The following ITPR3 variants were observed in gnomAD, a reference collection of about 807,000 sequenced individuals.
ITPR3 encodes the protein inositol 1,4,5-trisphosphate-gated calcium channel ITPR3.
A neutral mutation model predicts 293.2 loss-of-function variants in ITPR3; 173 were observed. That is an observed-to-expected ratio of 0.59 (90% CI 0.52 to 0.67). ITPR3 has a LOEUF of 0.67. ITPR3 is among the 30% of genes least tolerant of loss of function. The pLI, the probability that ITPR3 is intolerant of heterozygous loss-of-function variation, is 0.00. For missense variants in ITPR3, 2,796 were observed against 3,592.1 expected (o/e 0.78, Z 5.66); for synonymous variants, 1,295 against 1,444.4 (o/e 0.90, Z 2.35).
intron 1 of ITPR3, among the ~76,000 whole-genome samples, chr6:33,636,702 C>T (rs1406541686): frequency 1.3e-5 from 2 of 151,900 alleles, no homozygotes; most frequent in Non-Finnish European, 2.9e-5. Context: ...TCTGTGGACA[C>T]CCAAGCAGAG....
intron 21 of ITPR3, 107 bp downstream of exon 21, chr6:33,671,413 C>A: frequency 1.3e-6 from 1 of 763,542 alleles, no homozygotes; most frequent in Non-Finnish European, 2.1e-6. Flanking sequence ...TCCCCCCACC[C>A]AACCTGGCTC....
In ITPR3 at chr6:33,638,745, C is replaced by T. The variant is rs560138548; in HGVS notation, c.90-1739C>T. On this transcript the variant is annotated intron_variant, in intron 1 of 57. Coordinates refer to ENST00000605930, the MANE Select transcript of ITPR3 (RefSeq NM_002224.4). This position sits in a 1 kb window ranked among gnomAD's most constrained non-coding sequence, Gnocchi z 4.3. ...ATTACAAAGAAAACACACAGGGGCTCCGTTCTCAAGGAACTCACAGTGTAG... is the reference window on the plus strand; with the variant it reads ...ATTACAAAGAAAACACACAGGGGCTTCGTTCTCAAGGAACTCACAGTGTAG... 3.9e-5 allele frequency among the ~76,000 whole-genome samples: 6 copies of T among 152,360 alleles called. No individual in the cohort carries two copies. In the East Asian group the frequency reaches 9.6e-4, roughly 24 times the overall value.
chr6:33,639,128 C>T (rs1191517478), intron 1 of ITPR3, among the ~76,000 whole-genome samples: 1 of 152,114 alleles, frequency 6.6e-6, no homozygotes, highest in African/African-American at 2.4e-5. Flanking sequence ...CACCTGTAAT[C>T]CCAGCACTTT....
At position 33,686,265 on chromosome 6, in the gene ITPR3, T is replaced by C. The variant is rs552214680; in HGVS notation, c.5868+12T>C. 6.2e-7 allele frequency: 1 copy of C among 1,612,072 alleles called. No homozygotes were observed. Among genetic ancestry groups the C allele is most frequent in the African/African-American group, 1.3e-5 (1 of 75,026 alleles). ...GCCATGAGAACCAGGTGAGCTGTCC[T>C]GGTGGCATAAGTGGCAGCCAGGGTG... is the stretch of plus-strand genomic sequence containing the variant. On this transcript the variant is annotated intron_variant, in intron 42 of 57. Transcript: ENST00000605930.
intron 18 of ITPR3, 25 bp downstream of exon 18, chr6:33,669,181 C>G: frequency 6.2e-7 from 1 of 1,606,382 alleles, no homozygotes; most frequent in Non-Finnish European, 8.5e-7. Context: ...CTCCTCCCCT[C>G]CCTCTTCCTG....
chr6:33,686,393 C>CA lies in ITPR3; in HGVS notation c.5869-15dup, dbSNP rs770182138. On this transcript the variant is annotated splice_polypyrimidine_tract_variant and intron_variant, in intron 42 of 57. Coordinates refer to ENST00000605930, the MANE Select transcript of ITPR3 (RefSeq NM_002224.4). ...GAGAGGGCCTGGGCCCTGTGTCCCC[C>CA]ACTGCCTCCTGCCAGACTTGCATTG... is the stretch of plus-strand genomic sequence containing the variant. 1.2e-6 allele frequency: 2 copies of CA among 1,609,904 alleles called. No individual in the cohort carries two copies. Among genetic ancestry groups the CA allele is most frequent in the African/African-American group, 2.7e-5 (2 of 74,842 alleles).
At chr6:33,641,860 C>T (rs1245020143) in intron 2 of ITPR3, among the ~76,000 whole-genome samples, 1 of 152,178 alleles carries the variant, frequency 6.6e-6, no homozygotes, top group East Asian at 1.9e-4. Context: ...CTTCCCTGAC[C>T]ACTCAATACA....
chr6:33,656,024 C>T (rs1764298292), intron 3 of ITPR3, 137 bp downstream of exon 3: 2 of 1,110,062 alleles, frequency 1.8e-6, no homozygotes, highest in Admixed American at 2.4e-5. Context: ...ATGGGCGTGA[C>T]AGTTCACACC....
chr6:33,627,883 C>G (rs117419514), intron 1 of ITPR3, among the ~76,000 whole-genome samples: 2 of 152,162 alleles, frequency 1.3e-5, no homozygotes, highest in Non-Finnish European at 2.9e-5. Flanking sequence ...GAGGGGGTGG[C>G]GCGGGGTTGG....
At chr6:33,646,083 G>A (rs541391336) in intron 2 of ITPR3, among the ~76,000 whole-genome samples, 18 of 152,170 alleles carry the variant, frequency 1.2e-4, no homozygotes, top group South Asian at 6.2e-4. Flanking sequence ...TGATCCACCC[G>A]CCTCGGTCTC....
At position 33,688,782 on chromosome 6, in the gene ITPR3, G is replaced by A; in HGVS notation, c.6694+1G>A. The A allele has an allele frequency of 6.2e-7, 1 of 1,614,174 alleles. No individual in the cohort carries two copies. Among genetic ancestry groups the A allele is most frequent in the Non-Finnish European group, 8.5e-7 (1 of 1,180,002 alleles). On this transcript the variant is annotated splice_donor_variant, in intron 49 of 57. Coordinates refer to ENST00000605930, the MANE Select transcript of ITPR3 (RefSeq NM_002224.4). LOFTEE classifies it high-confidence loss of function. Reference sequence around the variant, plus strand: ...CCTTACATGGAGGGCGCGTCCACAGGTGAGAACACAGGGCTGGCCGGCAGG... The same window carrying A: ...CCTTACATGGAGGGCGCGTCCACAGATGAGAACACAGGGCTGGCCGGCAGG...
At position 33,687,408 on chromosome 6, in the gene ITPR3, C is replaced by T. The variant is rs1249538361; in HGVS notation, c.6178-70C>T. The stretch of plus-strand genomic sequence containing the variant: ...CCAGCTGCCATCATCCCCCAGTCGC[C>T]ATTGTCGCCCCCCAGCCACCATGTC... On this transcript the variant is annotated intron_variant, in intron 45 of 57. Transcript: ENST00000605930. The surrounding 1 kb of genome is among the most constrained non-coding windows in gnomAD (Gnocchi z 5.3). 1 of 1,513,738 alleles carries T rather than the reference C, an allele frequency of 6.6e-7. No individual in the cohort carries two copies. Among genetic ancestry groups the T allele is most frequent in the Non-Finnish European group, 9.0e-7 (1 of 1,107,382 alleles). The allele number at this position is 1,513,738 out of a possible 1,614,324, so 93.8% of individuals were successfully genotyped here.
chr6:33,665,506 TAGTA>T (rs1420780861), intron 13 of ITPR3, among the ~76,000 whole-genome samples: 3 of 152,082 alleles, frequency 2.0e-5, no homozygotes, highest in African/African-American at 7.2e-5. Context: ...GGGTCACAGT[TAGTA>T]AGTGGCAGAG....
intron 56 of ITPR3, chr6:33,694,707 G>GA: frequency 3.5e-6 from 2 of 568,658 alleles, no homozygotes; most frequent in African/African-American, 1.9e-5. Flanking sequence ...ACGGAAGTCA[G>GA]CCTGTCTCGG....
Position 33,664,742 on chromosome 6 carries a change from T to C in ITPR3, c.1149-128T>C. 1.3e-6 allele frequency: 1 copy of C among 758,062 alleles called. No homozygotes were observed. 47.0% of individuals were successfully genotyped at this position (758,062 alleles called of 1,614,324 possible). Reference sequence around the variant, plus strand: ...CATCTGGAGGGGCACCAGTGGCTCCTGTCCCACAGCTGTTGAGGGTGTGGA... The same window carrying C: ...CATCTGGAGGGGCACCAGTGGCTCCCGTCCCACAGCTGTTGAGGGTGTGGA... On this transcript the variant is annotated intron_variant, in intron 11 of 57. Transcript: ENST00000605930. This position sits in a 1 kb window ranked among gnomAD's most constrained non-coding sequence, Gnocchi z 4.4.
intron 2 of ITPR3, among the ~76,000 whole-genome samples, chr6:33,641,201 G>C (rs750691119): frequency 6.6e-6 from 1 of 152,204 alleles, no homozygotes; most frequent in Non-Finnish European, 1.5e-5. Context: ...CAATATCCTG[G>C]CTGTCATTAT....
intron 18 of ITPR3, among the ~76,000 whole-genome samples, chr6:33,669,872 G>A: frequency 6.6e-6 from 1 of 152,240 alleles, no homozygotes; most frequent in South Asian, 2.1e-4. Flanking sequence ...TCATGTCTGT[G>A]AGGAGGAGGC....
At position 33,692,583 on chromosome 6, in the gene ITPR3, G is replaced by T; in HGVS notation, c.7459-145G>T. The T allele has an allele frequency of 1.4e-6, 1 of 719,394 alleles. No individual in the cohort carries two copies. Among genetic ancestry groups the T allele is most frequent in the South Asian group, 1.9e-5 (1 of 52,522 alleles). 44.6% of individuals were successfully genotyped at this position (719,394 alleles called of 1,614,324 possible). ...CCAGGTTGGGTCCACTCTGCCATCT[G>T]ATGGCCCCCAGGCCAGAGGCCCTCA... On this transcript the variant is annotated intron_variant, in intron 54 of 57. Coordinates refer to ENST00000605930, the MANE Select transcript of ITPR3 (RefSeq NM_002224.4). This position sits in a 1 kb window ranked among gnomAD's most constrained non-coding sequence, Gnocchi z 4.2.
chr6:33,658,624 G>T lies in ITPR3; in HGVS notation c.370-46G>T. The T allele has an allele frequency of 1.2e-6, 2 of 1,604,610 alleles. No individual in the cohort carries two copies. The highest frequency in any genetic ancestry group is 2.2e-5 in the South Asian group (2 of 90,054). ...CCCCATATCCCCTCCCTAATGGGCC[G>T]ACTCCTGTGGCGCGGTGACCTTCCC... On this transcript the variant is annotated intron_variant, in intron 4 of 57. Transcript: ENST00000605930. The surrounding 1 kb of genome is among the most constrained non-coding windows in gnomAD (Gnocchi z 6.1).
Sources: gnomAD v4.1 joint callset for allele counts (sites outside exome capture counted in the v4.1 genomes callset) on GRCh38, gnomAD v4.1.1 for gene constraint, Gnocchi (gnomAD v3.1) non-coding constraint, MANE v1.5 for transcripts, NCBI Gene and HGNC (gene_info 2026-07-23, HGNC 2026-07-21) for gene names.